The following EPRS1 variants were observed in gnomAD, a reference collection of about 807,000 sequenced individuals.
The protein encoded by EPRS1 is bifunctional glutamate/proline--tRNA ligase.
A neutral mutation model predicts 188.3 loss-of-function variants in EPRS1; 107 were observed. The observed-to-expected ratio is 0.57, with a 90% CI of 0.49 to 0.67. The LOEUF (loss-of-function observed/expected upper bound fraction) is 0.67, where lower values mean the gene tolerates loss of function less well. Ranked by LOEUF, EPRS1 falls within the 30% of genes least tolerant of loss-of-function variation. EPRS1 has a pLI of 0.00. For synonymous variants in EPRS1, 596 were observed against 593.1 expected (o/e 1.00, Z -0.07); for missense variants, 1,577 against 1,802.2 (o/e 0.88, Z 2.26).
rs765806733 is a variant in EPRS1 at position 219,987,142 on chromosome 1, C to T, written c.3038G>A (p.Arg1013Lys). 1 of 1,600,150 alleles carries T rather than the reference C, an allele frequency of 6.2e-7. No individual in the cohort carries two copies. Residue 1013 changes from arginine (R) to lysine (K), a missense_variant and splice_region_variant, in exon 20 of 32, where the codon AGG becomes AAG. Transcript: ENST00000366923. Reference protein sequence around the residue: ...GEGQGPKKQTRLGLEAKKEEN... With the variant: ...GEGQGPKKQTKLGLEAKKEEN... ...AAATGAAGTTTCTGCGATTCATTAC[C>T]TGGTCTGTTTCTTAGGCCCCTGCCC... is the stretch of plus-strand genomic sequence containing the variant.
chr1:219,991,074 G>A (rs1484952938), intron 18 of EPRS1, among the ~76,000 whole-genome samples: 1 of 151,988 alleles, frequency 6.6e-6, no homozygotes, highest in Non-Finnish European at 1.5e-5. Flanking sequence ...TGATGCTAAT[G>A]TTATGACTAA....
chr1:219,980,892 A>C (rs1385806447), intron 24 of EPRS1, 35 bp from the exon 25 acceptor site: 1 of 1,479,000 alleles, frequency 6.8e-7, no homozygotes, highest in Non-Finnish European at 9.2e-7. Context: ...AGTCATTATA[A>C]AGAGCTTTTC....
chr1:220,005,152 A>T, intron 16 of EPRS1, 96 bp downstream of exon 16: 1 of 465,942 alleles, frequency 2.1e-6, no homozygotes, highest in Non-Finnish European at 3.8e-6. Flanking sequence ...GAAAACTGTT[A>T]GGTACGTTAT....
At position 219,969,119 on chromosome 1, in the gene EPRS1, C is replaced by A. The variant is rs1219554284; in HGVS notation, c.4327G>T (p.Val1443Phe). ...FQKILDSGKIVQIPFCGEIDC... is the reference protein window; with the variant it reads ...FQKILDSGKIFQIPFCGEIDC... ...ATTTCCCCACAGAATGGAATCTGAA[C>A]AATCTAATTAAGAAAAGGAAAAGTA... The change falls in exon 31 of 32, where the codon GTT becomes TTT. Residue 1443 changes from valine (V) to phenylalanine (F), a missense_variant. Val to Phe is a conservative substitution (Grantham distance 50). Coordinates refer to ENST00000366923, the MANE Select transcript of EPRS1 (RefSeq NM_004446.3). 6.2e-7 allele frequency: 1 copy of A among 1,601,370 alleles called. No homozygotes were observed. The highest frequency in any genetic ancestry group is 8.6e-7 in the Non-Finnish European group (1 of 1,168,686).
Position 219,979,435 on chromosome 1 carries a change from G to A in EPRS1, c.3892C>T (p.Arg1298Cys), listed in dbSNP as rs769441777. Residue 1298 changes from arginine to cysteine, a missense_variant, in exon 27 of 32, where the codon CGT becomes TGT. Coordinates refer to ENST00000366923, the MANE Select transcript of EPRS1 (RefSeq NM_004446.3). The part of the protein sequence containing the change: ...GDNMGLVLPP[R>C]VACVQVVIIP... ...TTCCTTACCTGAACACATGCTACACGGGGTGGTAATACTAAACCCATGTTG... is the reference window on the plus strand; with the variant it reads ...TTCCTTACCTGAACACATGCTACACAGGGTGGTAATACTAAACCCATGTTG... 1.4e-5 allele frequency: 23 copies of A among 1,612,402 alleles called. No homozygotes were observed. The highest frequency in any genetic ancestry group is 1.8e-5 in the Non-Finnish European group (21 of 1,178,722).
At position 220,040,238 on chromosome 1, in the gene EPRS1, G is replaced by A. The variant is rs767341872; in HGVS notation, c.78C>T (p.Asp26=). 27 of 1,608,706 alleles carry A rather than the reference G, an allele frequency of 1.7e-5. No homozygotes were observed. Among genetic ancestry groups the A allele is most frequent in the African/African-American group, 8.0e-5 (6 of 74,834 alleles). Residue 26 remains aspartate (D), a synonymous_variant, in exon 2 of 32, where the codon GAC becomes GAT. Transcript: ENST00000366923. The part of the protein sequence containing the change: ...GALLAVEHVK[D]DVSISVEEGK... ...CTTCTTCAACGGAAATGCTGACATC[G>A]TCTTTCACGTGTTCTACTGCCAGCA...
At chr1:219,980,931 G>GA in intron 24 of EPRS1, 74 bp from the exon 25 acceptor site, 1 of 953,272 alleles carries the variant, frequency 1.0e-6, no homozygotes, top group Non-Finnish European at 1.7e-6. Context: ...ACAGGGTCTT[G>GA]CTCTGTCCCC....
chr1:220,032,780 C>T (rs184744204), intron 4 of EPRS1, among the ~76,000 whole-genome samples: 1 of 151,812 alleles, frequency 6.6e-6, no homozygotes, highest in Non-Finnish European at 1.5e-5. Context: ...TTTCTTGGGA[C>T]CTGGTGAGGG....
intron 18 of EPRS1, among the ~76,000 whole-genome samples, chr1:219,990,180 A>G (rs1472092756): frequency 6.6e-6 from 1 of 151,894 alleles, no homozygotes; most frequent in Non-Finnish European, 1.5e-5. Flanking sequence ...TATAAAGGAG[A>G]AAATTAAGGT....
At chr1:220,012,284 G>A (rs1661619460) in intron 12 of EPRS1, among the ~76,000 whole-genome samples, 1 of 151,988 alleles carries the variant, frequency 6.6e-6, no homozygotes. Flanking sequence ...GCTTCTACTG[G>A]GCTGGAATAA....
At chr1:219,982,681 A>AT in intron 23 of EPRS1, 91 bp downstream of exon 23, 1 of 919,724 alleles carries the variant, frequency 1.1e-6, no homozygotes, top group African/African-American at 1.7e-5. Flanking sequence ...CAGAGATTAT[A>AT]GCTATCACAA....
intron 13 of EPRS1, 159 bp from the exon 14 acceptor site, chr1:220,007,497 T>C: frequency 1.7e-6 from 1 of 577,580 alleles, no homozygotes; most frequent in Non-Finnish European, 2.9e-6. Context: ...AATGCTTTAC[T>C]CTTTCTCCAT....
chr1:220,001,009 A>G, intron 17 of EPRS1, 129 bp downstream of exon 17: 1 of 670,252 alleles, frequency 1.5e-6, no homozygotes, highest in South Asian at 1.8e-5. Flanking sequence ...ACAAAATGCA[A>G]AGAGCAAGAC....
At chr1:220,022,985 C>A (rs1327951360) in intron 8 of EPRS1, among the ~76,000 whole-genome samples, 1 of 152,210 alleles carries the variant, frequency 6.6e-6, no homozygotes. Flanking sequence ...CAGGCATTGG[C>A]ACTACAGACC....
intron 13 of EPRS1, among the ~76,000 whole-genome samples, chr1:220,010,406 A>C (rs771262316): frequency 3.9e-5 from 6 of 152,272 alleles, no homozygotes; most frequent in Admixed American, 3.9e-4. Flanking sequence ...CCAACTGAGC[A>C]TAACAGTTCT....
chr1:219,978,961 TA>T (rs775743631), intron 27 of EPRS1, among the ~76,000 whole-genome samples: 1,025 of 49,258 alleles, frequency 0.021, 10 homozygotes, highest in Middle Eastern at 0.071. Flanking sequence ...TATATATATA[TA>T]TATTTTTTTT....
chr1:220,041,048 T>C (rs1359393500), intron 1 of EPRS1, among the ~76,000 whole-genome samples: 1 of 151,656 alleles, frequency 6.6e-6, no homozygotes, highest in Non-Finnish European at 1.5e-5. Context: ...AGAGTTAGAT[T>C]CAAAGGACAT....
Position 220,022,424 on chromosome 1 carries a change from A to G in EPRS1, c.1038T>C (p.Ser346=), listed in dbSNP as rs1490266824. ...CCLRAKIDMS[S]NNGCMRDPTL... is the part of the protein sequence containing the mutation. ...TTGGATCTCTCATGCATCCATTGTT[A>G]CTACTCATGTCAATTTTTGCTCGCA... The change falls in exon 9 of 32, where the codon AGT becomes AGC. Residue 346 remains serine, a synonymous_variant. Coordinates refer to ENST00000366923, the MANE Select transcript of EPRS1 (RefSeq NM_004446.3). 1 of 1,614,084 alleles carries G rather than the reference A, an allele frequency of 6.2e-7. No homozygotes were observed. The highest frequency in any genetic ancestry group is 1.7e-5 in the Admixed American group (1 of 60,016).
intron 28 of EPRS1, among the ~76,000 whole-genome samples, chr1:219,974,190 G>A (rs994399766): frequency 2.0e-5 from 3 of 152,046 alleles, no homozygotes; most frequent in South Asian, 2.1e-4. Flanking sequence ...CTGATCTGCC[G>A]GCCTCAGCCT....
Sources: gnomAD v4.1 joint callset for allele counts (sites outside exome capture counted in the v4.1 genomes callset) on GRCh38, gnomAD v4.1.1 for gene constraint, MANE v1.5 for transcripts, NCBI Gene and HGNC (gene_info 2026-07-23, HGNC 2026-07-21) for gene names.